The following GOLGA3 variants were observed in gnomAD, a reference collection of about 807,000 sequenced individuals.
GOLGA3 encodes the protein golgin subfamily A member 3.
A neutral mutation model predicts 169.4 loss-of-function variants in GOLGA3; 75 were observed. The ratio of observed to expected loss-of-function variants is 0.44; its 90% CI spans 0.37 to 0.54. The LOEUF is 0.54. Ranked by LOEUF, GOLGA3 falls within the 20% of genes least tolerant of loss-of-function variation. The pLI, the probability that GOLGA3 is intolerant of heterozygous loss-of-function variation, is 0.00. For synonymous variants in GOLGA3, 824 were observed against 822.4 expected (o/e 1.00, Z -0.03); for missense variants, 1,899 against 1,930.0 (o/e 0.98, Z 0.30).
At chr12:132,807,446 C>T (rs988791372) in intron 5 of GOLGA3, among the ~76,000 whole-genome samples, 158 bp from the exon 6 acceptor site, 3 of 152,138 alleles carry the variant, frequency 2.0e-5, no homozygotes, top group Admixed American at 6.5e-5. Flanking sequence ...GCATGATGCA[C>T]GGATGAACAT....
intron 11 of GOLGA3, among the ~76,000 whole-genome samples, chr12:132,795,198 A>AG (rs1948772148): frequency 6.6e-6 from 1 of 151,858 alleles, no homozygotes; most frequent in Admixed American, 6.6e-5. Flanking sequence ...AAAAAAAAAA[A>AG]AAGAAAAAAG....
intron 14 of GOLGA3, 63 bp downstream of exon 14, chr12:132,786,630 C>T (rs1253345156): frequency 5.3e-6 from 5 of 937,022 alleles, no homozygotes; most frequent in African/African-American, 1.8e-5. Flanking sequence ...TGGTTCGCCT[C>T]CCCCCCGGCC....
In GOLGA3 at chr12:132,808,183, G is replaced by A. The variant is rs747151209; in HGVS notation, c.886C>T (p.Arg296Cys). The A allele has an allele frequency of 6.2e-6, 10 of 1,613,090 alleles. No homozygotes were observed. The South Asian group carries it at 8.8e-5, about 14-fold the overall frequency. The change falls in exon 5 of 24, where the codon CGT becomes TGT. Residue 296 changes from arginine (R) to cysteine (C), a missense_variant. Arg to Cys is a radical substitution (Grantham distance 180). Coordinates refer to ENST00000450791, the MANE Select transcript of GOLGA3 (RefSeq NM_001389683.1). ...CCAGCCAGGGAGGTGTTCTCCAGAC[G>A]GTCGTCAGTGTCGGGGGACAGGCTG... is the stretch of plus-strand genomic sequence containing the variant. ...EISLSPDTDD[R>C]LENTSLAGDS...
At chr12:132,814,152 G>T (rs1431703043) in intron 3 of GOLGA3, among the ~76,000 whole-genome samples, 1 of 151,392 alleles carries the variant, frequency 6.6e-6, no homozygotes, top group Non-Finnish European at 1.5e-5. Flanking sequence ...AGCCTCCTGA[G>T]TAGGTGGGAT....
At chr12:132,785,403 C>T (rs542828303) in intron 15 of GOLGA3, among the ~76,000 whole-genome samples, 1 of 152,286 alleles carries the variant, frequency 6.6e-6, no homozygotes, top group Non-Finnish European at 1.5e-5. Context: ...CCTCACCTCC[C>T]AGGCTGAGGC....
rs201428336 is a variant in GOLGA3 at position 132,792,837 on chromosome 12, C to CA, written c.2470-1545_2470-1544insT. 2.7e-3 allele frequency among the ~76,000 whole-genome samples: 325 copies of CA among 120,622 alleles called. 36 individuals carry two copies. Among genetic ancestry groups the CA allele is most frequent in the African/African-American group, 0.011 (298 of 28,268 alleles). 79.1% of individuals were successfully genotyped at this position (120,622 alleles called of 152,430 possible). A position where few individuals can be genotyped will look rare whatever the true frequency, so the allele number is the denominator to read the frequency against. ...GGATCTCCACTCGGAGGGCTCCACA[C>CA]GGACCGACCACACGGGACCTGCACT... On this transcript the variant is annotated intron_variant, in intron 11 of 23. Transcript: ENST00000450791.
intron 17 of GOLGA3, among the ~76,000 whole-genome samples, chr12:132,781,483 C>T (rs778927975): frequency 3.9e-5 from 6 of 152,102 alleles, no homozygotes; most frequent in Non-Finnish European, 8.8e-5. Context: ...CGCTTGAACC[C>T]GGGAGGCAGG....
chr12:132,782,942 G>A (rs1321839032), intron 16 of GOLGA3, among the ~76,000 whole-genome samples: 1 of 151,650 alleles, frequency 6.6e-6, no homozygotes, highest in Non-Finnish European at 1.5e-5. Flanking sequence ...GCAATGGGCT[G>A]GACGCAGTGA....
intron 2 of GOLGA3, among the ~76,000 whole-genome samples, chr12:132,821,651 G>A (rs956210719): frequency 3.3e-5 from 5 of 151,818 alleles, no homozygotes; most frequent in African/African-American, 4.8e-5. Context: ...TCAGGAGATC[G>A]AGACCATCTT....
At chr12:132,797,003 C>T (rs1385538397) in intron 9 of GOLGA3, among the ~76,000 whole-genome samples, 1 of 152,226 alleles carries the variant, frequency 6.6e-6, no homozygotes, top group East Asian at 1.9e-4. Flanking sequence ...GAGTGAGACC[C>T]GGACATGCTC....
chr12:132,802,006 C>T lies in GOLGA3; in HGVS notation c.1598-37G>A, dbSNP rs767727511. On this transcript the variant is annotated intron_variant, in intron 7 of 23. Coordinates refer to ENST00000450791, the MANE Select transcript of GOLGA3 (RefSeq NM_001389683.1). ...CAAGCACAGCGGCTCAGGCCAGCGA[C>T]GGCCAACGGGGGAGTCCGCAGCTCC... The T allele has an allele frequency of 1.2e-5, 19 of 1,555,898 alleles. No homozygotes were observed. The East Asian group carries it at 1.4e-4, about 11-fold the overall frequency.
intron 9 of GOLGA3, 135 bp from the exon 10 acceptor site, chr12:132,796,835 G>A: frequency 5.5e-6 from 5 of 908,940 alleles, no homozygotes; most frequent in Non-Finnish European, 8.4e-6. Flanking sequence ...TCTACCGACT[G>A]CAGACTGAGG....
At chr12:132,798,035 C>T (rs571998674) in intron 9 of GOLGA3, among the ~76,000 whole-genome samples, 227 of 152,240 alleles carry the variant, frequency 1.5e-3, no homozygotes, top group African/African-American at 5.2e-3. Context: ...AGGCCCAAGG[C>T]GGGGCTTGCA....
chr12:132,795,781 G>T, intron 11 of GOLGA3, 71 bp downstream of exon 11: 1 of 1,443,524 alleles, frequency 6.9e-7, no homozygotes. Flanking sequence ...AAGAAAGAAA[G>T]AAGCAAATAA....
intron 2 of GOLGA3, among the ~76,000 whole-genome samples, chr12:132,819,259 G>A (rs549807583): frequency 1.2e-4 from 19 of 152,346 alleles, no homozygotes; most frequent in African/African-American, 4.3e-4. Flanking sequence ...GCCGGGCGCG[G>A]TGGCTCACGC....
At chr12:132,808,697 G>A in intron 4 of GOLGA3, 148 bp from the exon 5 acceptor site, 1 of 706,736 alleles carries the variant, frequency 1.4e-6, no homozygotes, top group Non-Finnish European at 2.4e-6. Flanking sequence ...CACACAGGGT[G>A]CGGCCAGGCC....
chr12:132,820,225 G>A (rs1252859798), intron 2 of GOLGA3, among the ~76,000 whole-genome samples: 3 of 151,250 alleles, frequency 2.0e-5, no homozygotes, highest in African/African-American at 7.3e-5. Context: ...GATAGTCACC[G>A]CTACCCCAGA....
Position 132,804,938 on chromosome 12 carries a change from T to A in GOLGA3, c.1375A>T (p.Ser459Cys), listed in dbSNP as rs368536418. ...LQAQVECSHSSQQRQDSLSSE... is the reference protein window; with the variant it reads ...LQAQVECSHSCQQRQDSLSSE... ...CTCAGCGAATCCTGCCGCTGCTGGC[T>A]GCTGTGGCTGCACTCCACCTGCGCC... Residue 459 changes from serine to cysteine, a missense_variant, in exon 7 of 24, where the codon AGC (serine) becomes TGC (cysteine). By Grantham distance (112) the Ser-to-Cys change is moderately radical. Transcript: ENST00000450791. The surrounding 1 kb of genome is among the most constrained non-coding windows in gnomAD (Gnocchi z 4.1). 7 of 1,613,526 alleles carry A rather than the reference T, an allele frequency of 4.3e-6. No homozygotes were observed. In the South Asian group the frequency reaches 7.7e-5, roughly 18 times the overall value.
chr12:132,777,922 G>T lies in GOLGA3; in HGVS notation c.3583-117C>A. The T allele has an allele frequency of 8.7e-7, 1 of 1,146,264 alleles. No homozygotes were observed. The highest frequency in any genetic ancestry group is 1.2e-6 in the Non-Finnish European group (1 of 819,442). 71.0% of individuals were successfully genotyped at this position (1,146,264 alleles called of 1,614,324 possible). Reference sequence around the variant, plus strand: ...CCGTGCATGTCCTGGCTGCCGGCGTGTGCTTCTCCACAGGCCTGTCAAGTT... The same window carrying T: ...CCGTGCATGTCCTGGCTGCCGGCGTTTGCTTCTCCACAGGCCTGTCAAGTT... On this transcript the variant is annotated intron_variant, in intron 18 of 23. Transcript: ENST00000450791. This position sits in a 1 kb window ranked among gnomAD's most constrained non-coding sequence, Gnocchi z 4.7.
Sources: allele counts gnomAD v4.1 joint callset (sites outside exome capture counted in the v4.1 genomes callset), GRCh38; gene constraint gnomAD v4.1.1; non-coding constraint Gnocchi (gnomAD v3.1); transcripts MANE v1.5; gene names NCBI Gene and HGNC (gene_info 2026-07-23, HGNC 2026-07-21).